CCDC28A: variants seen among roughly 807,000 people sequenced by gnomAD.
CCDC28A encodes the protein coiled-coil domain-containing protein 28A.
A neutral mutation model predicts 22.1 loss-of-function variants in CCDC28A; 24 were observed. That is an observed-to-expected ratio of 1.09 (90% CI 0.79 to 1.53). The LOEUF is 1.53. Ranked by LOEUF, CCDC28A falls within the 40% of genes most tolerant of loss-of-function variation. CCDC28A has a pLI of 0.00. For missense variants in CCDC28A, 170 were observed against 210.7 expected (o/e 0.81, Z 1.20); for synonymous variants, 83 against 74.7 (o/e 1.11, Z -0.57).
intron 2 of CCDC28A, among the ~76,000 whole-genome samples, chr6:138,778,264 T>A (rs11155000): frequency 6.6e-6 from 1 of 152,234 alleles, no homozygotes; most frequent in Admixed American, 6.5e-5. Flanking sequence ...GAGTACTGAA[T>A]ATACTTCCGT....
chr6:138,773,794 C>A lies in CCDC28A; in HGVS notation c.-151C>A, dbSNP rs144902622. On this transcript the variant is annotated 5_prime_UTR_variant, in exon 1 of 6. Coordinates refer to ENST00000617445, the MANE Select transcript of CCDC28A (RefSeq NM_015439.3). ...GTAAACAAACGGAGCTGCGGAGGAG[C>A]GGGTCCCGGGATGTGACCGGGGCTC... 3 of 1,613,580 alleles carry A rather than the reference C, an allele frequency of 1.9e-6. No homozygotes were observed. The highest frequency in any genetic ancestry group is 1.7e-6 in the Non-Finnish European group (2 of 1,179,752).
chr6:138,778,769 C>CTT (rs1304442970), intron 2 of CCDC28A, among the ~76,000 whole-genome samples: 7 of 140,234 alleles, frequency 5.0e-5, no homozygotes, highest in Admixed American at 1.4e-4. Context: ...GCTACTAAAG[C>CTT]TTTTTTTTTT....
chr6:138,793,233 G>C lies in CCDC28A; in HGVS notation c.*430G>C, dbSNP rs1235632894. The stretch of plus-strand genomic sequence containing the variant: ...TGTTAGACAATCAGTACACATGCTG[G>C]TGTGTTTTCCAATGGCCAGTGATAA... On this transcript the variant is annotated 3_prime_UTR_variant, in exon 6 of 6. Coordinates refer to ENST00000617445, the MANE Select transcript of CCDC28A (RefSeq NM_015439.3). 6.3e-6 allele frequency: 1 copy of C among 157,772 alleles called. No individual in the cohort carries two copies. Among genetic ancestry groups the C allele is most frequent in the South Asian group, 1.9e-4 (1 of 5,224 alleles). 9.8% of individuals were successfully genotyped at this position (157,772 alleles called of 1,614,324 possible).
At chr6:138,786,655 C>T (rs1247852398) in intron 4 of CCDC28A, among the ~76,000 whole-genome samples, 2 of 152,166 alleles carry the variant, frequency 1.3e-5, no homozygotes, top group Non-Finnish European at 2.9e-5. Flanking sequence ...CACTTTGTCA[C>T]CCAGGCTGGA....
intron 2 of CCDC28A, among the ~76,000 whole-genome samples, chr6:138,777,923 C>T (rs1420188257): frequency 6.6e-6 from 1 of 151,916 alleles, no homozygotes; most frequent in Non-Finnish European, 1.5e-5. Context: ...TTTTAGAATA[C>T]AAATTCCACA....
chr6:138,781,055 C>T (rs1775014227), intron 3 of CCDC28A, among the ~76,000 whole-genome samples: 2 of 152,122 alleles, frequency 1.3e-5, no homozygotes, highest in Non-Finnish European at 2.9e-5. Context: ...TCCCCATTCC[C>T]TCTTATCCCT....
At chr6:138,785,507 G>A (rs548279361) in intron 4 of CCDC28A, 126 bp downstream of exon 4, 10 of 663,590 alleles carry the variant, frequency 1.5e-5, no homozygotes, top group Admixed American at 3.0e-5. Context: ...TGTGCCGATC[G>A]CTGTTGAATT....
At chr6:138,782,180 G>T (rs1775031994) in intron 3 of CCDC28A, among the ~76,000 whole-genome samples, 1 of 151,930 alleles carries the variant, frequency 6.6e-6, no homozygotes, top group South Asian at 2.1e-4. Flanking sequence ...TGTGTTTTTG[G>T]ATTGAAGTCC....
chr6:138,776,260 AG>A lies in CCDC28A; in HGVS notation c.141del (p.Gln47HisfsTer5), dbSNP rs769348828. The stretch of plus-strand genomic sequence containing the variant: ...AATCCTGCATCACAGTCAACTTCAC[AG>A]CGACCAAAGTTAAAAAGGTGAATTC... ...FSNPASQSTS[Q>X]RPKLKRVMKE... On this transcript the variant is annotated frameshift_variant, in exon 2 of 6. Coordinates refer to ENST00000617445, the MANE Select transcript of CCDC28A (RefSeq NM_015439.3). LOFTEE classifies it high-confidence loss of function. 2.1e-4 allele frequency: 335 copies of A among 1,613,432 alleles called. 1 individual carries two copies. The highest frequency in any genetic ancestry group is 2.8e-4 in the Non-Finnish European group (330 of 1,179,476).
rs1256856446 is a variant in CCDC28A at position 138,776,104 on chromosome 6, A to G, written c.-17A>G. ...GTCTTAAGAAGCTGGCCGTGGTGCA[A>G]TAAGGAACTTAAAACAATGGAAGAG... On this transcript the variant is annotated 5_prime_UTR_variant, in exon 2 of 6. Coordinates refer to ENST00000617445, the MANE Select transcript of CCDC28A (RefSeq NM_015439.3). 3 of 1,614,094 alleles carry G rather than the reference A, an allele frequency of 1.9e-6. No individual in the cohort carries two copies. Among genetic ancestry groups the G allele is most frequent in the Admixed American group, 1.7e-5 (1 of 60,022 alleles).
intron 5 of CCDC28A, among the ~76,000 whole-genome samples, 180 bp downstream of exon 5, chr6:138,788,568 CT>C (rs3070099): frequency 3.7e-4 from 34 of 92,978 alleles, no homozygotes; most frequent in African/African-American, 1.2e-3. Context: ...TTTTTCTTTT[CT>C]TTTTTTTTTT....
Position 138,779,809 on chromosome 6 carries a change from A to T in CCDC28A, c.159-13A>T. 6.3e-7 allele frequency: 1 copy of T among 1,591,282 alleles called. No homozygotes were observed. The highest frequency in any genetic ancestry group is 1.2e-5 in the South Asian group (1 of 86,804). On this transcript the variant is annotated splice_polypyrimidine_tract_variant and intron_variant, in intron 2 of 5. Transcript: ENST00000617445. ...GAATAGCCTAAAAAGCCTAAATTTC[A>T]TCGTCTTTACAGAGTGATGAAAGAA...
At chr6:138,774,960 T>A (rs141594922) in intron 1 of CCDC28A, among the ~76,000 whole-genome samples, 2 of 152,344 alleles carry the variant, frequency 1.3e-5, no homozygotes, top group East Asian at 3.9e-4. Context: ...TGTTTTGTTT[T>A]GTTTTGTTTT....
rs1034817624 is a variant in CCDC28A, at chr6:138,785,322, C to A, written c.418C>A (p.Leu140Ile). ...NLELYGELEE[L>I]PEDKRKTASD... is the part of the protein sequence containing the mutation. ...GGAGCTCTATGGGGAGTTAGAGGAA[C>A]TTCCTGAGGATAAGAGAAAAACAGC... The change falls in exon 4 of 6, where the codon CTT (leucine) becomes ATT (isoleucine). Residue 140 changes from leucine to isoleucine, a missense_variant. Transcript: ENST00000617445. 6.2e-7 allele frequency: 1 copy of A among 1,613,314 alleles called. No individual in the cohort carries two copies. The highest frequency in any genetic ancestry group is 8.5e-7 in the Non-Finnish European group (1 of 1,179,322).
At chr6:138,777,163 A>G (rs989027458) in intron 2 of CCDC28A, among the ~76,000 whole-genome samples, 2 of 152,226 alleles carry the variant, frequency 1.3e-5, no homozygotes, top group African/African-American at 2.4e-5. Flanking sequence ...CTCACATCCA[A>G]TCTCACCCTG....
chr6:138,785,174 G>T, intron 3 of CCDC28A, 53 bp from the exon 4 acceptor site: 1 of 1,307,216 alleles, frequency 7.6e-7, no homozygotes, highest in East Asian at 2.4e-5. Flanking sequence ...TTTACTCAAT[G>T]CTGTTAGTTT....
intron 5 of CCDC28A, among the ~76,000 whole-genome samples, chr6:138,788,592 C>T (rs2876394): frequency 0.38 from 30,148 of 80,172 alleles, 4,488 homozygotes; most frequent in African/African-American, 0.5. Flanking sequence ...TTTTTTTTTT[C>T]AGAGACAGGG....
At chr6:138,779,586 T>C (rs543008627) in intron 2 of CCDC28A, among the ~76,000 whole-genome samples, 1 of 152,380 alleles carries the variant, frequency 6.6e-6, no homozygotes, top group Non-Finnish European at 1.5e-5. Flanking sequence ...GCATATTATA[T>C]AAATGTATTA....
Position 138,792,865 on chromosome 6 carries a change from CA to C in CCDC28A, c.*65del. On this transcript the variant is annotated 3_prime_UTR_variant, in exon 6 of 6. Transcript: ENST00000617445. ...AAGCAGCAGTCTTTACTTTTCCAGC[CA>C]AATCCAGTAGCAGAATCATCTTCCA... The C allele has an allele frequency of 9.4e-7, 1 of 1,062,746 alleles. No homozygotes were observed. The highest frequency in any genetic ancestry group is 1.4e-6 in the Non-Finnish European group (1 of 699,044). The allele number at this position is 1,062,746 out of a possible 1,614,324, so 65.8% of individuals were successfully genotyped here.
Sources: gnomAD v4.1 joint callset for allele counts (sites outside exome capture counted in the v4.1 genomes callset) on GRCh38, gnomAD v4.1.1 for gene constraint, MANE v1.5 for transcripts, NCBI Gene and HGNC (gene_info 2026-07-23, HGNC 2026-07-21) for gene names.